The following SEPTIN14 variants were observed in gnomAD, a reference collection of about 807,000 sequenced individuals.
SEPTIN14 encodes the protein septin 14.
Under a neutral mutation model 53.6 loss-of-function variants are expected in SEPTIN14, and 40 were observed. The ratio of observed to expected loss-of-function variants is 0.75; its 90% CI spans 0.58 to 0.97. SEPTIN14 has a LOEUF of 0.97. SEPTIN14 is among the 50% of genes least tolerant of loss of function. The pLI, the probability that SEPTIN14 is intolerant of heterozygous loss-of-function variation, is 0.00. For missense variants in SEPTIN14, 471 were observed against 508.2 expected (o/e 0.93, Z 0.70); for synonymous variants, 138 against 166.8 (o/e 0.83, Z 1.33).
rs751725426 is a variant in SEPTIN14, at chr7:55,843,120, G to T, written c.380C>A (p.Pro127Gln). ...DQIDKEASYQ[P>Q]IVDYIDAQFE... ...TTGGGCATCTATGTAGTCAACTATT[G>T]GTTGGTAGCTAAAAAAAAATTTATA... Residue 127 changes from proline to glutamine, a missense_variant, in exon 5 of 10, where the codon CCA becomes CAA. Transcript: ENST00000388975. 1 of 1,566,190 alleles carries T rather than the reference G, an allele frequency of 6.4e-7. No individual in the cohort carries two copies. Among genetic ancestry groups the T allele is most frequent in the Non-Finnish European group, 8.6e-7 (1 of 1,163,258 alleles).
chr7:55,826,631 C>T (rs967699893), intron 6 of SEPTIN14, among the ~76,000 whole-genome samples: 3 of 152,068 alleles, frequency 2.0e-5, no homozygotes, highest in African/African-American at 7.2e-5. Flanking sequence ...AACCCTGTCT[C>T]TACTAAAAAT....
chr7:55,842,684 G>C (rs906315528), intron 5 of SEPTIN14, among the ~76,000 whole-genome samples: 1 of 151,790 alleles, frequency 6.6e-6, no homozygotes, highest in South Asian at 2.1e-4. Flanking sequence ...AGGCCAAGGC[G>C]GGAGGATCAC....
At chr7:55,860,531 G>A (rs939273874) in intron 2 of SEPTIN14, among the ~76,000 whole-genome samples, 1 of 151,866 alleles carries the variant, frequency 6.6e-6, no homozygotes, top group Non-Finnish European at 1.5e-5. Flanking sequence ...TAAAAGAGGG[G>A]ATTTGAAATG....
rs1269103679 is a variant in SEPTIN14, at chr7:55,819,143, A to C, written c.801T>G (p.Pro267=). The C allele has an allele frequency of 6.3e-7, 1 of 1,581,042 alleles. No homozygotes were observed. Among genetic ancestry groups the C allele is most frequent in the African/African-American group, 1.3e-5 (1 of 74,320 alleles). ...GKRMVRGRHY[P]WGVLQVENEN... is the part of the protein sequence containing the mutation. ...CATTTTTACCTTGCAAAACTCCCCA[A>C]GGGTAGTGACGGCCTCTGACCATCC... Residue 267 remains proline, a synonymous_variant, in exon 7 of 10, where the codon CCT becomes CCG. Coordinates refer to ENST00000388975, the MANE Select transcript of SEPTIN14 (RefSeq NM_207366.3).
At chr7:55,857,431 G>A (rs117050421) in intron 2 of SEPTIN14, among the ~76,000 whole-genome samples, 4,887 of 132,900 alleles carry the variant, frequency 0.037, 115 homozygotes, top group Admixed American at 0.058. Context: ...AGAGAGAAGA[G>A]AAGAGAGAAA....
rs139336194 is a variant in SEPTIN14, at chr7:55,861,987, T to C, written c.10A>G (p.Arg4Gly). 6.4e-4 allele frequency: 1,015 copies of C among 1,581,998 alleles called. 6 individuals are homozygous for C. The African/African-American group carries it at 0.012, about 19-fold the overall frequency. The part of the protein sequence containing the change: MAE[R>G]TMAMPTQIPA... ...ATTTGTGTGGGCATAGCCATTGTTCTTTCTGCCATGCTACACTAAAAGAGC... is the reference window on the plus strand; with the variant it reads ...ATTTGTGTGGGCATAGCCATTGTTCCTTCTGCCATGCTACACTAAAAGAGC... Residue 4 changes from arginine to glycine, a missense_variant, in exon 2 of 10, where the codon AGA becomes GGA. Coordinates refer to ENST00000388975, the MANE Select transcript of SEPTIN14 (RefSeq NM_207366.3).
intron 5 of SEPTIN14, among the ~76,000 whole-genome samples, chr7:55,842,172 G>A (rs948485123): frequency 1.3e-5 from 2 of 152,296 alleles, no homozygotes; most frequent in African/African-American, 4.8e-5. Flanking sequence ...GCCTAGATGT[G>A]TAGTAGGCTA....
chr7:55,844,536 C>T lies in SEPTIN14; in HGVS notation c.358G>A (p.Asp120Asn), dbSNP rs1235680384. The T allele has an allele frequency of 4.7e-6, 7 of 1,487,526 alleles. No individual in the cohort carries two copies. The highest frequency in any genetic ancestry group is 6.3e-6 in the Non-Finnish European group (7 of 1,106,418). 92.1% of individuals were successfully genotyped at this position (1,487,526 alleles called of 1,614,324 possible). ...VETVGYGDQI[D>N]KEASYQPIVD... Reference sequence around the variant, plus strand: ...GAAAACACTCACCTGGCTTCTTTGTCTATTTGATCACCATACCCTACTGTC... The same window carrying T: ...GAAAACACTCACCTGGCTTCTTTGTTTATTTGATCACCATACCCTACTGTC... The change falls in exon 4 of 10, where the codon GAC (aspartate) becomes AAC (asparagine). Residue 120 changes from aspartate to asparagine, a missense_variant. Transcript: ENST00000388975.
intron 9 of SEPTIN14, chr7:55,798,401 G>C (rs1040635672): frequency 1.7e-5 from 4 of 232,924 alleles, no homozygotes; most frequent in Non-Finnish European, 2.6e-5. Context: ...CCATGGAGGA[G>C]GAGCCCTGGG....
intron 2 of SEPTIN14, among the ~76,000 whole-genome samples, chr7:55,848,754 C>T: frequency 6.6e-6 from 1 of 151,490 alleles, no homozygotes; most frequent in East Asian, 2.0e-4. Context: ...ACTACAGGCA[C>T]CTGCCACTAC....
At chr7:55,822,032 C>G (rs1788904657) in intron 6 of SEPTIN14, among the ~76,000 whole-genome samples, 1 of 152,112 alleles carries the variant, frequency 6.6e-6, no homozygotes. Flanking sequence ...CCTGTCAGAT[C>G]TCGTGAGACT....
chr7:55,832,582 A>T (rs1364475079), intron 6 of SEPTIN14, among the ~76,000 whole-genome samples: 1 of 152,180 alleles, frequency 6.6e-6, no homozygotes, highest in African/African-American at 2.4e-5. Flanking sequence ...ATAAAAATGA[A>T]ATCATGCTCT....
At chr7:55,812,010 G>T (rs1020893315) in intron 7 of SEPTIN14, among the ~76,000 whole-genome samples, 1 of 152,122 alleles carries the variant, frequency 6.6e-6, no homozygotes, top group East Asian at 1.9e-4. Flanking sequence ...GGCCACGCTG[G>T]TCTCAAGCTC....
intron 3 of SEPTIN14, 91 bp downstream of exon 3, chr7:55,846,426 T>C (rs1789414101): frequency 7.2e-6 from 6 of 837,218 alleles, no homozygotes; most frequent in Non-Finnish European, 9.1e-6. Flanking sequence ...ATATTTGAAT[T>C]AATAGCATCA....
chr7:55,857,136 GCTGAGGCAGGCGGATCAC>G (rs1789645195), intron 2 of SEPTIN14, among the ~76,000 whole-genome samples: 1 of 151,772 alleles, frequency 6.6e-6, no homozygotes, highest in African/African-American at 2.4e-5. Context: ...ACTTTGAGAG[GCTGAGGCAGGCGGATCAC>G]CTGAGGTCGG....
At chr7:55,828,227 A>T (rs906816499) in intron 6 of SEPTIN14, among the ~76,000 whole-genome samples, 1 of 151,894 alleles carries the variant, frequency 6.6e-6, no homozygotes, top group Non-Finnish European at 1.5e-5. Flanking sequence ...TGAAGTACAG[A>T]TATCTTAAAA....
At chr7:55,798,365 G>A in intron 9 of SEPTIN14, 1 of 258,630 alleles carries the variant, frequency 3.9e-6, no homozygotes, top group South Asian at 6.9e-5. Context: ...TGGGGGTGGT[G>A]GAACCTGGTA....
chr7:55,855,672 C>G (rs1331310623), intron 2 of SEPTIN14, among the ~76,000 whole-genome samples: 2 of 152,138 alleles, frequency 1.3e-5, no homozygotes, highest in Non-Finnish European at 2.9e-5. Context: ...TCTCCTGACT[C>G]AACGTCCTGA....
In SEPTIN14 at chr7:55,831,179, T is replaced by TA. The variant is rs151073957; in HGVS notation, c.720+3245dup. Among the ~76,000 whole-genome samples the TA allele has an allele frequency of 6.0e-3, 908 of 151,362 alleles. 14 individuals carry two copies. The highest frequency in any genetic ancestry group is 0.021 in the African/African-American group (859 of 41,264). Reference sequence around the variant, plus strand: ...TTCAAATTATACTATAATGCTATACTAAAAAAAACAGTATGGCATTGGTAC... The same window carrying TA: ...TTCAAATTATACTATAATGCTATACTAAAAAAAAACAGTATGGCATTGGTAC... On this transcript the variant is annotated intron_variant, in intron 6 of 9. Coordinates refer to ENST00000388975, the MANE Select transcript of SEPTIN14 (RefSeq NM_207366.3).
Sources: gnomAD v4.1 joint callset for allele counts (sites outside exome capture counted in the v4.1 genomes callset) on GRCh38, gnomAD v4.1.1 for gene constraint, MANE v1.5 for transcripts, NCBI Gene and HGNC (gene_info 2026-07-23, HGNC 2026-07-21) for gene names.